MORC2: variants seen among roughly 807,000 people sequenced by gnomAD.
The protein encoded by MORC2 is MORC family CW-type zinc finger 2, also known as ATPase MORC2.
MORC2 carries 30 observed loss-of-function variants against 136.0 expected under a neutral mutation model. That is an observed-to-expected ratio of 0.22 (90% CI 0.17 to 0.30). MORC2 has a LOEUF of 0.30. MORC2 is among the 10% of genes least tolerant of loss of function. The probability of loss-of-function intolerance (pLI) is 1.00; values close to 1 mark genes in which losing one functional copy is unlikely to be tolerated. For missense variants in MORC2, 922 were observed against 1,333.1 expected, an observed-to-expected ratio of 0.69 and a Z score of 4.80; for synonymous variants, 439 against 487.0, an observed-to-expected ratio of 0.90 and a Z score of 1.30.
chr22:30,938,018 C>G, intron 13 of MORC2, 47 bp downstream of exon 13: 3 of 1,613,802 alleles, frequency 1.9e-6, no homozygotes, highest in Non-Finnish European at 2.5e-6. Flanking sequence ...GCAACGCCCT[C>G]CTGCCAACTA....
Position 30,934,021 on chromosome 22 carries a change from A to G in MORC2, c.2325+39T>C, listed in dbSNP as rs2040616552. 2 of 1,611,084 alleles carry G rather than the reference A, an allele frequency of 1.2e-6. No homozygotes were observed. Among genetic ancestry groups the G allele is most frequent in the Non-Finnish European group, 1.7e-6 (2 of 1,178,214 alleles). ...ACTGCTGGTGGGGGCTGCAGGCCCT[A>G]GAGAGAGAGGCTTTGAGAACCTCAC... On this transcript the variant is annotated intron_variant, in intron 20 of 25. Coordinates refer to ENST00000397641, the MANE Select transcript of MORC2 (RefSeq NM_001303256.3). The surrounding 1 kb of genome is among the most constrained non-coding windows in gnomAD (Gnocchi z 4.4).
chr22:30,940,307 A>G (rs1341107950), intron 10 of MORC2, among the ~76,000 whole-genome samples: 4 of 152,190 alleles, frequency 2.6e-5, no homozygotes, highest in East Asian at 1.9e-4. Flanking sequence ...AAAAAAAAAA[A>G]AACACCTAAG....
rs571396226 is a variant in MORC2 at position 30,927,345 on chromosome 22, ACC to A, written c.3031-476_3031-475del. ...TGATCTCCACTGTTCTCGGGATCAA[ACC>A]CCACAACTTTCAAGCCCTGCCTCTG... On this transcript the variant is annotated intron_variant, in intron 25 of 25. Coordinates refer to ENST00000397641, the MANE Select transcript of MORC2 (RefSeq NM_001303256.3). 3.1e-3 allele frequency among the ~76,000 whole-genome samples: 462 copies of A among 151,356 alleles called. 1 individual carries two copies. The highest frequency in any genetic ancestry group is 5.5e-3 in the Non-Finnish European group (375 of 67,802).
intron 5 of MORC2, among the ~76,000 whole-genome samples, chr22:30,947,286 T>C (rs1398994256): frequency 2.0e-5 from 3 of 152,198 alleles, no homozygotes; most frequent in Admixed American, 6.5e-5. Flanking sequence ...TTCCTTCCTC[T>C]GTTTGGCCAC....
In MORC2 at chr22:30,942,161, G is replaced by A; in HGVS notation, c.537C>T (p.Arg179=). 6.2e-7 allele frequency: 1 copy of A among 1,614,158 alleles called. No homozygotes were observed. Among genetic ancestry groups the A allele is most frequent in the Non-Finnish European group, 8.5e-7 (1 of 1,180,004 alleles). The change falls in exon 7 of 26, where the codon CGC becomes CGT. Residue 179 remains arginine, a synonymous_variant. Transcript: ENST00000397641. ...ACTGGGTCATCACTTCCTCCTCAGT[G>A]CGGAATGGAGAGTACTTATAGATGA... is the stretch of plus-strand genomic sequence containing the variant. ...TELIYKYSPF[R]TEEEVMTQFM... is the part of the protein sequence containing the mutation.
chr22:30,956,344 A>G (rs139464298), intron 3 of MORC2, among the ~76,000 whole-genome samples: 1 of 152,188 alleles, frequency 6.6e-6, no homozygotes, highest in Non-Finnish European at 1.5e-5. Context: ...GATACCAGCA[A>G]TTCTCCAAGT....
At chr22:30,933,975 G>T in intron 20 of MORC2, 85 bp downstream of exon 20, 2 of 1,486,350 alleles carry the variant, frequency 1.3e-6, no homozygotes, top group South Asian at 2.4e-5. Flanking sequence ...GGATGGTATA[G>T]ACTGCTGATG....
At chr22:30,956,006 CAAAAAA>C (rs576674402) in intron 3 of MORC2, among the ~76,000 whole-genome samples, 1 of 51,536 alleles carries the variant, frequency 1.9e-5, no homozygotes, top group Non-Finnish European at 4.0e-5. Flanking sequence ...GACTCCATCT[CAAAAAA>C]AAAAAAAAAA....
chr22:30,926,647 G>A lies in MORC2; in HGVS notation c.*156C>T. ...AATAAATATTTATAAACTTAAGGAA[G>A]ATTCAAAGAATCAGGGTATCTTTTC... On this transcript the variant is annotated 3_prime_UTR_variant, in exon 26 of 26. Coordinates refer to ENST00000397641, the MANE Select transcript of MORC2 (RefSeq NM_001303256.3). The A allele has an allele frequency of 4.1e-6, 1 of 241,978 alleles. No individual in the cohort carries two copies. Among genetic ancestry groups the A allele is most frequent in the Non-Finnish European group, 7.7e-6 (1 of 129,958 alleles). The allele number at this position is 241,978 out of a possible 1,614,324, so 15.0% of individuals were successfully genotyped here. A position where few individuals can be genotyped will look rare whatever the true frequency, so the allele number is the denominator to read the frequency against.
rs2040584229 is a variant in MORC2 at position 30,932,137 on chromosome 22, G to A, written c.2841+222C>T. On this transcript the variant is annotated intron_variant, in intron 24 of 25. Transcript: ENST00000397641. This position sits in a 1 kb window ranked among gnomAD's most constrained non-coding sequence, Gnocchi z 4.4. ...TAGCACCTGTGGTGGGAAGGGGTTG[G>A]CTTTCTGCACACCAGAGTCATATCC... 2.0e-6 allele frequency: 1 copy of A among 499,634 alleles called. No homozygotes were observed. The allele number at this position is 499,634 out of a possible 1,614,324, so 31.0% of individuals were successfully genotyped here.
At chr22:30,942,764 G>A (rs2040760093) in intron 6 of MORC2, among the ~76,000 whole-genome samples, 1 of 152,038 alleles carries the variant, frequency 6.6e-6, no homozygotes, top group African/African-American at 2.4e-5. Flanking sequence ...CAGCACTTTG[G>A]GAGGCTGAGG....
At chr22:30,955,528 A>T (rs573827104) in intron 3 of MORC2, among the ~76,000 whole-genome samples, 2 of 152,208 alleles carry the variant, frequency 1.3e-5, no homozygotes, top group Non-Finnish European at 2.9e-5. Flanking sequence ...GAGAATTACT[A>T]CTTAGTTGTG....
At chr22:30,950,353 C>CACAAAAAAAAAAAA in intron 4 of MORC2, 24 bp downstream of exon 4, 1 of 1,481,960 alleles carries the variant, frequency 6.7e-7, no homozygotes, top group Non-Finnish European at 9.4e-7. Context: ...CCCCACCCCC[C>CACAAAAAAAAAAAA]AAAACAATAA....
intron 4 of MORC2, among the ~76,000 whole-genome samples, 178 bp from the exon 5 acceptor site, chr22:30,950,020 T>A (rs1431766294): frequency 6.6e-6 from 1 of 152,204 alleles, no homozygotes; most frequent in Non-Finnish European, 1.5e-5. Flanking sequence ...GGCCTGTTGG[T>A]ACCTCTATCA....
intron 24 of MORC2, among the ~76,000 whole-genome samples, chr22:30,931,854 A>G (rs1039047773): frequency 1.3e-5 from 2 of 152,158 alleles, no homozygotes; most frequent in African/African-American, 4.8e-5. Context: ...GCTGCTCACT[A>G]TGAGGTCCAG....
rs2040625358 is a variant in MORC2 at position 30,934,678 on chromosome 22, C to G, written c.2193+103G>C. On this transcript the variant is annotated intron_variant, in intron 19 of 25. Transcript: ENST00000397641. The surrounding 1 kb of genome is among the most constrained non-coding windows in gnomAD (Gnocchi z 4.4). ...AGGGGCAGCAGCAAAGCTTTAGATTCAGTATCTTCCGAAGGCTCCCCCAGT... is the reference window on the plus strand; with the variant it reads ...AGGGGCAGCAGCAAAGCTTTAGATTGAGTATCTTCCGAAGGCTCCCCCAGT... The G allele has an allele frequency of 6.8e-7, 1 of 1,461,852 alleles. No individual in the cohort carries two copies. 90.6% of individuals were successfully genotyped at this position (1,461,852 alleles called of 1,614,324 possible). A position where few individuals can be genotyped will look rare whatever the true frequency, so the allele number is the denominator to read the frequency against.
In MORC2 at chr22:30,937,533, G is replaced by T; in HGVS notation, c.1498+50C>A. 2 of 1,593,992 alleles carry T rather than the reference G, an allele frequency of 1.3e-6. No individual in the cohort carries two copies. Among genetic ancestry groups the T allele is most frequent in the East Asian group, 2.2e-5 (1 of 44,754 alleles). ...GCTGGCAGGAAGATAGAGAAAAGAG[G>T]CTTGTGGGCTGATGGAAATGAGTCG... On this transcript the variant is annotated intron_variant, in intron 15 of 25. Coordinates refer to ENST00000397641, the MANE Select transcript of MORC2 (RefSeq NM_001303256.3). The surrounding 1 kb of genome is among the most constrained non-coding windows in gnomAD (Gnocchi z 4.7).
intron 6 of MORC2, 40 bp from the exon 7 acceptor site, chr22:30,942,311 C>T: frequency 6.3e-7 from 1 of 1,578,188 alleles, no homozygotes; most frequent in Non-Finnish European, 8.6e-7. Flanking sequence ...AGGGAAGCCC[C>T]AGAACAGCCT....
rs2040617332 is a variant in MORC2 at position 30,934,071 on chromosome 22, C to A, written c.2314G>T (p.Asp772Tyr). The A allele has an allele frequency of 1.2e-6, 2 of 1,614,128 alleles. No homozygotes were observed. The highest frequency in any genetic ancestry group is 4.5e-5 in the East Asian group (2 of 44,876). Residue 772 changes from aspartate (D) to tyrosine (Y), a missense_variant, in exon 20 of 26, where the codon GAC (aspartate) becomes TAC (tyrosine). Physicochemically the swap from Asp to Tyr is radical, Grantham distance 160. This residue lies in a region of MORC2 where 263 missense variants were observed against 388.3 expected (regional missense o/e 0.68). Coordinates refer to ENST00000397641, the MANE Select transcript of MORC2 (RefSeq NM_001303256.3). This position sits in a 1 kb window ranked among gnomAD's most constrained non-coding sequence, Gnocchi z 4.4. ...GRFVVKEEKK[D>Y]SNELSDSAGE... is the part of the protein sequence containing the mutation. ...CCTCAACCACTCACCTCATTCGAGT[C>A]CTTCTTTTCCTCCTTCACAACAAAT...
Sources: gnomAD v4.1 joint callset for allele counts (sites outside exome capture counted in the v4.1 genomes callset) on GRCh38, gnomAD v4.1.1 for gene constraint, gnomAD v4.1.1 regional missense constraint, Gnocchi (gnomAD v3.1) non-coding constraint, MANE v1.5 for transcripts, NCBI Gene and HGNC (gene_info 2026-07-23, HGNC 2026-07-21) for gene names.